Variants in GDF1 observed in about 807,000 individuals in gnomAD.
The protein encoded by GDF1 is embryonic growth/differentiation factor 1.
GDF1 carries 8 observed loss-of-function variants against 7.4 expected under a neutral mutation model. That is an observed-to-expected ratio of 1.09 (90% CI 0.64 to 1.96). GDF1 has a LOEUF of 1.96. Among genes scored for constraint, GDF1 ranks in the 30% most tolerant of loss-of-function variants. GDF1 has a pLI of 0.00. For synonymous variants in GDF1, 311 were observed against 276.7 expected, an observed-to-expected ratio of 1.12 and a Z score of -1.23; for missense variants, 574 against 551.5, an observed-to-expected ratio of 1.04 and a Z score of -0.41.
chr19:18,893,578 A>G lies in GDF1; in HGVS notation c.-1073-3T>C. The G allele has an allele frequency of 6.2e-7, 1 of 1,605,828 alleles. No individual in the cohort carries two copies. The highest frequency in any genetic ancestry group is 8.5e-7 in the Non-Finnish European group (1 of 1,177,092). ...AGGCAGCACCGCTTCGCCAGGGGCT[A>G]TGGGGGAGAAGACAGGCGGGCAGCC... On this transcript the variant is annotated splice_polypyrimidine_tract_variant and splice_region_variant and intron_variant, in intron 1 of 7. Coordinates refer to ENST00000247005, the MANE Select transcript of GDF1 (RefSeq NM_001492.6).
At position 18,893,648 on chromosome 19, in the gene GDF1, T is replaced by A. The variant is rs1021180786; in HGVS notation, c.-1073-73A>T. ...GACTGCTCCTTTGGGGTGGGGAAAC[T>A]GAGGCCCAGGGACTCCCCAGGCCGG... is the stretch of plus-strand genomic sequence containing the variant. On this transcript the variant is annotated intron_variant, in intron 1 of 7. Transcript: ENST00000247005. 8 of 1,468,312 alleles carry A rather than the reference T, an allele frequency of 5.4e-6. No homozygotes were observed. In the Admixed American group the frequency reaches 6.0e-5, roughly 11 times the overall value. 91.0% of individuals were successfully genotyped at this position (1,468,312 alleles called of 1,614,324 possible). A position where few individuals can be genotyped will look rare whatever the true frequency, so the allele number is the denominator to read the frequency against.
intron 2 of GDF1, among the ~76,000 whole-genome samples, chr19:18,885,417 G>A (rs1021187179): frequency 4.0e-5 from 6 of 151,512 alleles, no homozygotes; most frequent in Non-Finnish European, 5.9e-5. Flanking sequence ...GGGTGATCTC[G>A]AACTCCTGGG....
At position 18,878,303 on chromosome 19, in the gene GDF1, C is replaced by T; in HGVS notation, c.-313+627G>A. On this transcript the variant is annotated intron_variant, in intron 6 of 7. Transcript: ENST00000247005. This position sits in a 1 kb window ranked among gnomAD's most constrained non-coding sequence, Gnocchi z 4.6. ...TCATCCCTGGCCCAGACACCCCCTGCCTGCCCCAGGCCTGGGGCTTCGGAC... is the reference window on the plus strand; with the variant it reads ...TCATCCCTGGCCCAGACACCCCCTGTCTGCCCCAGGCCTGGGGCTTCGGAC... 1.0e-6 allele frequency: 1 copy of T among 986,118 alleles called. No individual in the cohort carries two copies. Among genetic ancestry groups the T allele is most frequent in the Non-Finnish European group, 1.2e-6 (1 of 830,548 alleles). The allele number at this position is 986,118 out of a possible 1,614,324, so 61.1% of individuals were successfully genotyped here.
chr19:18,880,054 C>T (rs1209714401), intron 4 of GDF1, among the ~76,000 whole-genome samples: 1 of 151,842 alleles, frequency 6.6e-6, no homozygotes, highest in Non-Finnish European at 1.5e-5. Flanking sequence ...TTCTGCCCAG[C>T]CCCACTCCTA....
chr19:18,885,511 G>GTTTTTTTT (rs59793456), intron 2 of GDF1, among the ~76,000 whole-genome samples: 12 of 22,120 alleles, frequency 5.4e-4, no homozygotes, highest in African/African-American at 1.3e-3. Context: ...GCCCCTTCTC[G>GTTTTTTTT]TTTTTTTTTT....
chr19:18,869,936 G>A lies in GDF1; in HGVS notation c.325+47C>T, dbSNP rs202000234. ...GGGCCACTCTCGAGGCTCGCCCTGC[G>A]AGGTCTGGCCTCCAGGACCAGTGTC... On this transcript the variant is annotated intron_variant, in intron 7 of 7. Coordinates refer to ENST00000247005, the MANE Select transcript of GDF1 (RefSeq NM_001492.6). 3.9e-4 allele frequency: 594 copies of A among 1,527,696 alleles called. 1 individual carries two copies. In the African/African-American group the frequency reaches 7.2e-3, roughly 18 times the overall value. The allele number at this position is 1,527,696 out of a possible 1,614,324, so 94.6% of individuals were successfully genotyped here.
rs1264986688 is a variant in GDF1 at position 18,895,914 on chromosome 19, C to A, written c.-1164G>T. On this transcript the variant is annotated 5_prime_UTR_variant, in exon 1 of 8. Transcript: ENST00000247005. This position sits in a 1 kb window ranked among gnomAD's most constrained non-coding sequence, Gnocchi z 6.4. ...GCAGCAGCTCGGGCGGCGCCAGGTG[C>A]GCGTGCTCAGCCAGGCCGCGACGCG... 7 of 1,242,188 alleles carry A rather than the reference C, an allele frequency of 5.6e-6. No individual in the cohort carries two copies. The highest frequency in any genetic ancestry group is 3.8e-5 in the East Asian group (1 of 26,578). The allele number at this position is 1,242,188 out of a possible 1,614,324, so 76.9% of individuals were successfully genotyped here.
chr19:18,868,956 C>G lies in GDF1; in HGVS notation c.760G>C (p.Asp254His). Reference protein sequence around the residue: ...LCHPLARPRRDAEPVLGGGPG... With the variant: ...LCHPLARPRRHAEPVLGGGPG... ...CCGCCGCCCAACACGGGTTCGGCGT[C>G]GCGCCGCGGCCGGGCCAGGGGGTGG... Residue 254 changes from aspartate (D) to histidine (H), a missense_variant, in exon 8 of 8, where the codon GAC becomes CAC. Physicochemically the swap from Asp to His is moderately conservative, Grantham distance 81. Transcript: ENST00000247005. 6 of 1,181,600 alleles carry G rather than the reference C, an allele frequency of 5.1e-6. No individual in the cohort carries two copies. The highest frequency in any genetic ancestry group is 6.3e-6 in the Non-Finnish European group (6 of 954,584). The allele number at this position is 1,181,600 out of a possible 1,614,324, so 73.2% of individuals were successfully genotyped here.
chr19:18,868,944 C>T lies in GDF1; in HGVS notation c.772G>A (p.Val258Met), dbSNP rs2055906696. The T allele has an allele frequency of 8.1e-7, 1 of 1,240,962 alleles. No homozygotes were observed. The highest frequency in any genetic ancestry group is 1.0e-6 in the Non-Finnish European group (1 of 987,092). 76.9% of individuals were successfully genotyped at this position (1,240,962 alleles called of 1,614,324 possible). The change falls in exon 8 of 8, where the codon GTG (valine) becomes ATG (methionine). Residue 258 changes from valine (V) to methionine (M), a missense_variant. Physicochemically the swap from Val to Met is conservative, Grantham distance 21. Transcript: ENST00000247005. ...GCGCCCCCGGGGCCGCCGCCCAACA[C>T]GGGTTCGGCGTCGCGCCGCGGCCGG... The part of the protein sequence containing the change: ...LARPRRDAEP[V>M]LGGGPGGACR...
chr19:18,884,261 G>A lies in GDF1; in HGVS notation c.-907C>T, dbSNP rs780713994. On this transcript the variant is annotated 5_prime_UTR_variant, in exon 3 of 8. In the 5' UTR this introduces an upstream ATG that the reference lacks. Transcript: ENST00000247005. The stretch of plus-strand genomic sequence containing the variant: ...GTCCCGTGGCACTGCCATGCCCGGC[G>A]TCCAGTCTGGGGAGAGCCAAATCTC... 4.0e-5 allele frequency: 65 copies of A among 1,611,144 alleles called. No homozygotes were observed. The highest frequency in any genetic ancestry group is 5.1e-5 in the Non-Finnish European group (60 of 1,179,248).
At chr19:18,887,443 A>G (rs1199879540) in intron 2 of GDF1, among the ~76,000 whole-genome samples, 1 of 152,194 alleles carries the variant, frequency 6.6e-6, no homozygotes, top group Non-Finnish European at 1.5e-5. Flanking sequence ...TGGTTGAACA[A>G]CACTGTGAAT....
Position 18,868,554 on chromosome 19 carries a change from A to G in GDF1, c.*43T>C. On this transcript the variant is annotated 3_prime_UTR_variant, in exon 8 of 8. Transcript: ENST00000247005. ...TCCAAGGAGACCAGCGGAGCAGACC[A>G]CGCGGCATTTATTGTTGGGCCCGCG... The G allele has an allele frequency of 6.9e-7, 1 of 1,449,070 alleles. No individual in the cohort carries two copies. Among genetic ancestry groups the G allele is most frequent in the Non-Finnish European group, 9.5e-7 (1 of 1,057,442 alleles). 89.8% of individuals were successfully genotyped at this position (1,449,070 alleles called of 1,614,324 possible). A position where few individuals can be genotyped will look rare whatever the true frequency, so the allele number is the denominator to read the frequency against.
chr19:18,884,101 G>C lies in GDF1; in HGVS notation c.-747C>G, dbSNP rs1392302984. The C allele has an allele frequency of 1.2e-6, 2 of 1,613,152 alleles. No homozygotes were observed. The highest frequency in any genetic ancestry group is 1.7e-6 in the Non-Finnish European group (2 of 1,179,630). ...CCTGTCCTTACCGGAAGGCGTAGGA[G>C]GAGACGATGAGGATGAGAGTGACCA... On this transcript the variant is annotated 5_prime_UTR_variant, in exon 3 of 8. Coordinates refer to ENST00000247005, the MANE Select transcript of GDF1 (RefSeq NM_001492.6).
At chr19:18,885,543 G>A (rs1424200107) in intron 2 of GDF1, among the ~76,000 whole-genome samples, 1 of 128,528 alleles carries the variant, frequency 7.8e-6, no homozygotes, top group Non-Finnish European at 1.6e-5. Flanking sequence ...TTTTTGAGAT[G>A]GAGTCTTGCT....
intron 1 of GDF1, 121 bp from the exon 2 acceptor site, chr19:18,893,696 C>A: frequency 1.0e-6 from 1 of 977,876 alleles, no homozygotes; most frequent in African/African-American, 1.6e-5. Context: ...AGGCCTGTCC[C>A]CCATGCCCAC....
chr19:18,869,939 G>A (rs1415411887), intron 7 of GDF1, 44 bp downstream of exon 7: 2 of 1,535,568 alleles, frequency 1.3e-6, no homozygotes, highest in Non-Finnish European at 1.8e-6. Context: ...GCCCTGCGAG[G>A]TCTGGCCTCC....
rs1394869987 is a variant in GDF1, at chr19:18,879,304, G to A, written c.-486C>T. On this transcript the variant is annotated 5_prime_UTR_variant, in exon 5 of 8. Coordinates refer to ENST00000247005, the MANE Select transcript of GDF1 (RefSeq NM_001492.6). ...GGAGCGCATTGAAGAAGAAGTAGAA[G>A]GGGATGTCAGGCACCGTGCGCAGAC... 1 of 1,612,814 alleles carries A rather than the reference G, an allele frequency of 6.2e-7. No individual in the cohort carries two copies. Among genetic ancestry groups the A allele is most frequent in the South Asian group, 1.1e-5 (1 of 90,712 alleles).
At chr19:18,894,272 G>T (rs892422279) in intron 1 of GDF1, among the ~76,000 whole-genome samples, 1 of 151,886 alleles carries the variant, frequency 6.6e-6, no homozygotes, top group Non-Finnish European at 1.5e-5. Flanking sequence ...GCGGGGCGCG[G>T]CTCCAGAGCT....
chr19:18,875,807 T>C (rs1350345208), intron 6 of GDF1, among the ~76,000 whole-genome samples: 1 of 152,074 alleles, frequency 6.6e-6, no homozygotes, highest in Non-Finnish European at 1.5e-5. Context: ...GAGAAAGCCC[T>C]GGGAAGACGG....
Sources: gnomAD v4.1 joint callset for allele counts (sites outside exome capture counted in the v4.1 genomes callset) on GRCh38, gnomAD v4.1.1 for gene constraint, Gnocchi (gnomAD v3.1) non-coding constraint, MANE v1.5 for transcripts, NCBI Gene and HGNC (gene_info 2026-07-23, HGNC 2026-07-21) for gene names.